HDAC4: variants seen among roughly 807,000 people sequenced by gnomAD.
HDAC4 encodes histone deacetylase 4, also known as histone deacetylase A.
In HDAC4, 16 loss-of-function variants were observed where a neutral mutation model predicts 135.1. The observed-to-expected ratio is 0.12, with a 90% CI of 0.08 to 0.18. The LOEUF (loss-of-function observed/expected upper bound fraction) is 0.18. HDAC4 is among the 10% of genes least tolerant of loss of function. HDAC4 has a pLI of 1.00. For missense variants in HDAC4, 1,143 were observed against 1,511.8 expected (o/e 0.76, Z 4.05); for synonymous variants, 685 against 653.4 (o/e 1.05, Z -0.74).
intron 12 of HDAC4, among the ~76,000 whole-genome samples, chr2:239,118,963 C>A (rs1319566361): frequency 6.6e-6 from 1 of 152,156 alleles, no homozygotes; most frequent in Non-Finnish European, 1.5e-5. Context: ...GAACAGGGAG[C>A]CTGGCGGTAC....
rs143232610 is a variant in HDAC4 at position 239,140,446 on chromosome 2, C to T, written c.866-650G>A. Among the ~76,000 whole-genome samples, 904 of 152,306 alleles carry T rather than the reference C, an allele frequency of 5.9e-3. 34 individuals are homozygous for T. Among genetic ancestry groups the T allele is most frequent in the Admixed American group, 0.05 (762 of 15,296 alleles). On this transcript the variant is annotated intron_variant, in intron 8 of 26. Coordinates refer to ENST00000543185, the MANE Select transcript of HDAC4 (RefSeq NM_001378414.1). ...GCCACGTCCAATCCAAAGATCCCTT[C>T]ACCTCTGAAGGGGTCTGCTGCTATT...
intron 1 of HDAC4, among the ~76,000 whole-genome samples, chr2:239,355,434 A>C (rs911290066): frequency 8.5e-5 from 13 of 152,172 alleles, no homozygotes; most frequent in Non-Finnish European, 1.6e-4. Flanking sequence ...ATGGCTTCAA[A>C]TACAGATTTT....
In HDAC4 at chr2:239,053,530, C is replaced by T; in HGVS notation, c.3160G>A (p.Glu1054Lys). The change falls in exon 26 of 27, where the codon GAG becomes AAG. Residue 1054 changes from glutamate to lysine, a missense_variant. Physicochemically the swap from Glu to Lys is moderately conservative, Grantham distance 56 (BLOSUM62 1). Around this residue, in one of 9 missense-constraint regions of HDAC4, gnomAD observed 131 missense variants for 130.6 expected, o/e 1.00. Coordinates refer to ENST00000543185, the MANE Select transcript of HDAC4 (RefSeq NM_001378414.1). ...GTGACCGTCTCGGCTTCTTCGTTCT[C>T]GCAAGTCTGAGCCTCGATCAGAGAA... ...GRSLIEAQTC[E>K]NEEAETVTAM... 1.9e-6 allele frequency: 3 copies of T among 1,613,912 alleles called. No individual in the cohort carries two copies. The highest frequency in any genetic ancestry group is 2.5e-6 in the Non-Finnish European group (3 of 1,180,022).
intron 3 of HDAC4, among the ~76,000 whole-genome samples, chr2:239,212,178 C>T (rs928446048): frequency 6.6e-6 from 1 of 152,132 alleles, no homozygotes; most frequent in African/African-American, 2.4e-5. Flanking sequence ...AACTGGGATG[C>T]TTTAGATTTC....
chr2:239,318,708 A>T (rs1306072008), intron 2 of HDAC4, among the ~76,000 whole-genome samples: 1 of 151,636 alleles, frequency 6.6e-6, no homozygotes, highest in Non-Finnish European at 1.5e-5. Flanking sequence ...AAGGATGCAT[A>T]TCAATAAACA....
At chr2:239,168,985 G>T (rs1261232866) in intron 5 of HDAC4, among the ~76,000 whole-genome samples, 1 of 152,190 alleles carries the variant, frequency 6.6e-6, no homozygotes, top group Non-Finnish European at 1.5e-5. Context: ...TGCAGCGCAG[G>T]GATTGTTTTG....
At chr2:239,360,544 G>A (rs1409526507) in intron 1 of HDAC4, among the ~76,000 whole-genome samples, 1 of 152,266 alleles carries the variant, frequency 6.6e-6, no homozygotes, top group Non-Finnish European at 1.5e-5. Context: ...CCCCGTGCCT[G>A]GCTGCAAGTT....
chr2:239,235,278 G>A (rs886306861), intron 3 of HDAC4, among the ~76,000 whole-genome samples: 8 of 152,044 alleles, frequency 5.3e-5, no homozygotes, highest in Non-Finnish European at 8.8e-5. Flanking sequence ...CCAGAACTCC[G>A]GGTTTGGAAA....
At chr2:239,390,136 G>A (rs149479024) in intron 1 of HDAC4, among the ~76,000 whole-genome samples, 4 of 152,182 alleles carry the variant, frequency 2.6e-5, no homozygotes, top group Middle Eastern at 3.4e-3. Flanking sequence ...TCCTCCTCCG[G>A]CACTTTCTAG....
At chr2:239,079,683 C>T (rs1341672734) in intron 22 of HDAC4, among the ~76,000 whole-genome samples, 1 of 152,190 alleles carries the variant, frequency 6.6e-6, no homozygotes, top group Non-Finnish European at 1.5e-5. Context: ...TACTCAGGTG[C>T]ACACGAAGAC....
intron 1 of HDAC4, among the ~76,000 whole-genome samples, chr2:239,366,759 C>G (rs1177824109): frequency 6.6e-6 from 1 of 152,150 alleles, no homozygotes; most frequent in Non-Finnish European, 1.5e-5. Flanking sequence ...GAGCAAAAGG[C>G]CAGTGGGGTC....
intron 2 of HDAC4, among the ~76,000 whole-genome samples, chr2:239,284,880 G>T (rs1277761623): frequency 6.6e-6 from 1 of 152,196 alleles, no homozygotes; most frequent in Non-Finnish European, 1.5e-5. Flanking sequence ...TTGTTTCATT[G>T]TGTTTTTTAA....
intron 18 of HDAC4, 57 bp from the exon 19 acceptor site, chr2:239,087,671 C>A (rs112513172): frequency 6.5e-7 from 1 of 1,539,494 alleles, no homozygotes; most frequent in Middle Eastern, 1.7e-4. Context: ...TTTGTAGCCA[C>A]GGGAAAATGG....
At chr2:239,063,208 G>A (rs1020528886) in intron 24 of HDAC4, among the ~76,000 whole-genome samples, 2 of 140,292 alleles carry the variant, frequency 1.4e-5, no homozygotes, top group Admixed American at 1.4e-4. Flanking sequence ...GTCTTTTTTT[G>A]TTTTTTTTTT....
At position 239,124,580 on chromosome 2, in the gene HDAC4, A is replaced by G. The variant is rs371576062; in HGVS notation, c.1533+1876T>C. On this transcript the variant is annotated intron_variant, in intron 12 of 26. Coordinates refer to ENST00000543185, the MANE Select transcript of HDAC4 (RefSeq NM_001378414.1). Reference sequence around the variant, plus strand: ...TTATATGACATTCCAGTGTGCCGGCATGTGGCCGCACGTCATTCCACGTTA... The same window carrying G: ...TTATATGACATTCCAGTGTGCCGGCGTGTGGCCGCACGTCATTCCACGTTA... Among the ~76,000 whole-genome samples, 658 of 106,874 alleles carry G rather than the reference A, an allele frequency of 6.2e-3. 8 individuals carry two copies. Among genetic ancestry groups the G allele is most frequent in the African/African-American group, 0.035 (619 of 17,766 alleles). The allele number at this position is 106,874 out of a possible 152,430, so 70.1% of individuals were successfully genotyped here. A position where few individuals can be genotyped will look rare whatever the true frequency, so the allele number is the denominator to read the frequency against.
At chr2:239,376,325 A>G (rs111427596) in intron 1 of HDAC4, among the ~76,000 whole-genome samples, 3 of 148,170 alleles carry the variant, frequency 2.0e-5, no homozygotes, top group African/African-American at 7.4e-5. Context: ...ACAACCCTCC[A>G]CCATCCAAAC....
intron 16 of HDAC4, among the ~76,000 whole-genome samples, chr2:239,098,744 T>G (rs2152751444): frequency 6.6e-6 from 1 of 152,280 alleles, no homozygotes; most frequent in South Asian, 2.1e-4. Flanking sequence ...AAACACCTCA[T>G]TAGGGTTATG....
At chr2:239,235,462 T>C (rs979987480) in intron 3 of HDAC4, among the ~76,000 whole-genome samples, 2 of 152,192 alleles carry the variant, frequency 1.3e-5, no homozygotes, top group East Asian at 3.9e-4. Flanking sequence ...TCAAGGAAGG[T>C]GCAGCAGAGC....
intron 2 of HDAC4, among the ~76,000 whole-genome samples, chr2:239,284,200 A>G (rs2050999086): frequency 6.6e-6 from 1 of 152,228 alleles, no homozygotes; most frequent in Non-Finnish European, 1.5e-5. Context: ...CCACCAGGAC[A>G]GTGCCGGTCC....
Sources: gnomAD v4.1 joint callset for allele counts (sites outside exome capture counted in the v4.1 genomes callset) on GRCh38, gnomAD v4.1.1 for gene constraint, gnomAD v4.1.1 regional missense constraint, MANE v1.5 for transcripts, NCBI Gene and HGNC (gene_info 2026-07-23, HGNC 2026-07-21) for gene names.